TRAM1: variants seen among roughly 807,000 people sequenced by gnomAD.
TRAM1 encodes the protein translocating chain-associated membrane protein 1.
A neutral mutation model predicts 48.7 loss-of-function variants in TRAM1; 17 were observed. That is an observed-to-expected ratio of 0.35 (90% confidence interval 0.24 to 0.52). The LOEUF is 0.52. TRAM1 is among the 20% of genes least tolerant of loss of function. The pLI, the probability that TRAM1 is intolerant of heterozygous loss-of-function variation, is 0.94. For missense variants in TRAM1, 351 were observed against 441.5 expected, an observed-to-expected ratio of 0.79 and a Z score of 1.84; for synonymous variants, 182 against 154.0, an observed-to-expected ratio of 1.18 and a Z score of -1.34.
chr8:70,607,135 G>A, intron 1 of TRAM1: 1 of 980,810 alleles, frequency 1.0e-6, no homozygotes, highest in Non-Finnish European at 1.2e-6. Flanking sequence ...AAAAGCAAAG[G>A]AATGAGCGTG....
rs769496766 is a variant in TRAM1 at position 70,586,912 on chromosome 8, A to G, written c.729T>C (p.Asn243=). The change falls in exon 8 of 11, where the codon AAT becomes AAC. Residue 243 remains asparagine (N), a synonymous_variant. Transcript: ENST00000262213. ...CAACTTACCCTTTCTGATACTTTTC[A>G]TTGCTAAAATAAAACAGGCGGGAAA... is the stretch of plus-strand genomic sequence containing the variant. ...FHISRLFYFS[N]EKYQKGFSLW... The G allele has an allele frequency of 5.1e-5, 82 of 1,613,620 alleles. No individual in the cohort carries two copies. Among genetic ancestry groups the G allele is most frequent in the Non-Finnish European group, 6.9e-5 (81 of 1,179,778 alleles).
intron 10 of TRAM1, among the ~76,000 whole-genome samples, chr8:70,577,031 C>T (rs138485642): frequency 1.3e-5 from 2 of 152,302 alleles, no homozygotes; most frequent in African/African-American, 2.4e-5. Context: ...TCTTGTCATC[C>T]ACAACGTGGC....
At chr8:70,583,553 C>A in intron 9 of TRAM1, 97 bp downstream of exon 9, 1 of 1,485,710 alleles carries the variant, frequency 6.7e-7, no homozygotes, top group South Asian at 1.3e-5. Context: ...TTTCCCCAAC[C>A]TCATATTCAT....
chr8:70,584,601 C>T (rs1227473784), intron 8 of TRAM1, among the ~76,000 whole-genome samples: 3 of 152,142 alleles, frequency 2.0e-5, no homozygotes, highest in South Asian at 2.1e-4. Flanking sequence ...GATACAAAAT[C>T]GATGTACAAA....
intron 1 of TRAM1, among the ~76,000 whole-genome samples, chr8:70,600,498 T>C (rs1405528630): frequency 7.2e-5 from 11 of 152,210 alleles, no homozygotes; most frequent in Non-Finnish European, 1.2e-4. Flanking sequence ...GTCTGTGGTG[T>C]GGGTGTGTTA....
At position 70,608,146 on chromosome 8, in the gene TRAM1, G is replaced by T. The variant is rs1191497925; in HGVS notation, c.54C>A (p.Phe18Leu). 1 of 1,599,624 alleles carries T rather than the reference G, an allele frequency of 6.3e-7. No homozygotes were observed. The highest frequency in any genetic ancestry group is 1.7e-5 in the Admixed American group (1 of 58,530). Residue 18 changes from phenylalanine (F) to leucine (L), a missense_variant, in exon 1 of 11, where the codon TTC (phenylalanine) becomes TTA (leucine). Coordinates refer to ENST00000262213, the MANE Select transcript of TRAM1 (RefSeq NM_014294.6). ...CGATGTCCGCGTGATTCTGCAGGAC[G>T]AATTCGTGGCTCAGCACTGGGGGGC... ...TKSPPVLSHEFVLQNHADIVS... is the reference protein window; with the variant it reads ...TKSPPVLSHELVLQNHADIVS...
In TRAM1 at chr8:70,603,303, T is replaced by TATACACACAC. The variant is rs1041808375; in HGVS notation, c.124-3222_124-3221insGTGTGTGTAT. ...ATATACACACTATATATATGTTTTATACACACACACACACACACACACACA... is the reference window on the plus strand; with the variant it reads ...ATATACACACTATATATATGTTTTATATACACACACACACACACACACACACACACACACA... On this transcript the variant is annotated intron_variant, in intron 1 of 10. Coordinates refer to ENST00000262213, the MANE Select transcript of TRAM1 (RefSeq NM_014294.6). Among the ~76,000 whole-genome samples, 851 of 150,052 alleles carry TATACACACAC rather than the reference T, an allele frequency of 5.7e-3. 1 individual carries two copies. Among genetic ancestry groups the TATACACACAC allele is most frequent in the African/African-American group, 0.012 (476 of 40,766 alleles).
rs368313207 is a variant in TRAM1 at position 70,583,193 on chromosome 8, G to A, written c.1022C>T (p.Thr341Ile). The A allele has an allele frequency of 6.2e-7, 1 of 1,613,664 alleles. No individual in the cohort carries two copies. Among genetic ancestry groups the A allele is most frequent in the African/African-American group, 1.3e-5 (1 of 74,888 alleles). ...TCCTTTTTTAGAAGATCTGCCTTTA[G>A]TTACTGTTGGTTTCTTCTTCACAGC... ...APAVKKKPTV[T>I]KGRSSKKGTE... Residue 341 changes from threonine to isoleucine, a missense_variant, in exon 10 of 11, where the codon ACT becomes ATT. Transcript: ENST00000262213.
At chr8:70,607,133 A>G in intron 1 of TRAM1, 1 of 984,328 alleles carries the variant, frequency 1.0e-6, no homozygotes, top group African/African-American at 1.7e-5. Context: ...AAAAAAGCAA[A>G]GGAATGAGCG....
chr8:70,583,060 A>C, intron 10 of TRAM1, 104 bp downstream of exon 10: 1 of 1,282,898 alleles, frequency 7.8e-7, no homozygotes, highest in Non-Finnish European at 1.1e-6. Context: ...GCAGAATAGT[A>C]TTTTCTTTAT....
intron 8 of TRAM1, among the ~76,000 whole-genome samples, chr8:70,584,153 AAC>A (rs572067366): frequency 6.8e-4 from 104 of 152,364 alleles, no homozygotes; most frequent in African/African-American, 2.4e-3. Context: ...AGAGAGATAT[AAC>A]ACATATTAGC....
At chr8:70,598,550 TCC>T (rs1817538859) in intron 2 of TRAM1, among the ~76,000 whole-genome samples, 1 of 152,128 alleles carries the variant, frequency 6.6e-6, no homozygotes, top group South Asian at 2.1e-4. Flanking sequence ...ACTGATATTA[TCC>T]CAGGGGTATA....
intron 9 of TRAM1, 112 bp downstream of exon 9, chr8:70,583,538 A>T: frequency 7.0e-7 from 1 of 1,425,390 alleles, no homozygotes. Flanking sequence ...AAATCAAATG[A>T]GTATTTTCCC....
At chr8:70,607,946 G>A (rs1263073733) in intron 1 of TRAM1, 131 bp downstream of exon 1, 7 of 1,184,290 alleles carry the variant, frequency 5.9e-6, no homozygotes, top group Non-Finnish European at 6.7e-6. Context: ...GCACCTCAGG[G>A]ACTGGGGGTC....
At chr8:70,594,867 C>CTA (rs1411532077) in intron 5 of TRAM1, among the ~76,000 whole-genome samples, 1 of 152,104 alleles carries the variant, frequency 6.6e-6, no homozygotes, top group Non-Finnish European at 1.5e-5. Flanking sequence ...GTCAGAGCCC[C>CTA]TATTAGTTCA....
intron 6 of TRAM1, among the ~76,000 whole-genome samples, chr8:70,591,653 A>G (rs1817363563): frequency 6.6e-6 from 1 of 152,250 alleles, no homozygotes; most frequent in Admixed American, 6.5e-5. Flanking sequence ...TATACTGAAA[A>G]ATAAACAAAG....
chr8:70,583,368 T>C (rs767953341), intron 9 of TRAM1, 44 bp from the exon 10 acceptor site: 1 of 1,570,942 alleles, frequency 6.4e-7, no homozygotes, highest in South Asian at 1.2e-5. Flanking sequence ...TAAAAAACAA[T>C]GCCACTGAAT....
At chr8:70,595,528 C>G (rs989365143) in intron 5 of TRAM1, among the ~76,000 whole-genome samples, 2 of 152,082 alleles carry the variant, frequency 1.3e-5, no homozygotes, top group African/African-American at 2.4e-5. Context: ...AGGTGACAAG[C>G]ACTTGCAATG....
At chr8:70,607,519 C>CAA (rs1817767596) in intron 1 of TRAM1, 1 of 983,466 alleles carries the variant, frequency 1.0e-6, no homozygotes, top group Non-Finnish European at 1.2e-6. Flanking sequence ...TCCGGTTTCT[C>CAA]GCTCACCCCA....
Sources: allele counts gnomAD v4.1 joint callset (sites outside exome capture counted in the v4.1 genomes callset), GRCh38; gene constraint gnomAD v4.1.1; transcripts MANE v1.5; gene names NCBI Gene and HGNC (gene_info 2026-07-23, HGNC 2026-07-21).